PALMD: variants seen among roughly 807,000 people sequenced by gnomAD.
PALMD encodes the protein palmdelphin.
A neutral mutation model predicts 56.2 loss-of-function variants in PALMD; 42 were observed. That is an observed-to-expected ratio of 0.75 (90% CI 0.58 to 0.97). The LOEUF (loss-of-function observed/expected upper bound fraction) is 0.97. PALMD is among the 50% of genes least tolerant of loss of function. The pLI is 0.00. For synonymous variants in PALMD, 242 were observed against 222.9 expected (o/e 1.09, Z -0.76); for missense variants, 660 against 643.8 (o/e 1.03, Z -0.27).
Position 99,689,797 on chromosome 1 carries a change from T to C in PALMD, c.1537T>C (p.Leu513=). Residue 513 remains leucine, a synonymous_variant, in exon 7 of 8, where the codon TTA becomes CTA. Transcript: ENST00000263174. ...ATCTCTGAAAGAGCAAGAAGAAAGC[T>C]TAGGCAGCCCTGTCCACCATTCCCC... ...SISLKEQEES[L]GSPVHHSPFD... is the part of the protein sequence containing the mutation. 1 of 1,613,700 alleles carries C rather than the reference T, an allele frequency of 6.2e-7. No individual in the cohort carries two copies. Among genetic ancestry groups the C allele is most frequent in the Non-Finnish European group, 8.5e-7 (1 of 1,179,814 alleles).
chr1:99,685,892 CT>C (rs1294137179), intron 3 of PALMD: 1 of 152,184 alleles, frequency 6.6e-6, no homozygotes, highest in Middle Eastern at 3.2e-3. Flanking sequence ...ATGCTGCCCC[CT>C]GGAGTTCATT....
intron 3 of PALMD, among the ~76,000 whole-genome samples, chr1:99,681,715 T>A (rs1653350863): frequency 6.6e-6 from 1 of 152,140 alleles, no homozygotes; most frequent in Non-Finnish European, 1.5e-5. Flanking sequence ...GTTCTGTGCA[T>A]GACAGGACAT....
At chr1:99,651,258 C>T (rs1229039260) in intron 1 of PALMD, among the ~76,000 whole-genome samples, 1 of 152,160 alleles carries the variant, frequency 6.6e-6, no homozygotes, top group Non-Finnish European at 1.5e-5. Context: ...ACATAACAGC[C>T]CACCCATAAA....
chr1:99,673,608 T>C (rs1653137597), intron 3 of PALMD, among the ~76,000 whole-genome samples: 2 of 152,224 alleles, frequency 1.3e-5, no homozygotes, highest in Non-Finnish European at 2.9e-5. Context: ...TGTTTTTCAC[T>C]CTCCATATTT....
chr1:99,674,009 A>G (rs145767866), intron 3 of PALMD, among the ~76,000 whole-genome samples: 27 of 152,328 alleles, frequency 1.8e-4, no homozygotes, highest in African/African-American at 6.3e-4. Context: ...TAAAAATAAG[A>G]AAAGAATAAA....
In PALMD at chr1:99,689,153, T is replaced by C; in HGVS notation, c.893T>C (p.Val298Ala). 6.2e-7 allele frequency: 1 copy of C among 1,613,546 alleles called. No individual in the cohort carries two copies. Among genetic ancestry groups the C allele is most frequent in the South Asian group, 1.1e-5 (1 of 91,056 alleles). The change falls in exon 7 of 8, where the codon GTA (valine) becomes GCA (alanine). Residue 298 changes from valine (V) to alanine (A), a missense_variant. Val to Ala is a moderately conservative substitution (Grantham distance 64). Coordinates refer to ENST00000263174, the MANE Select transcript of PALMD (RefSeq NM_017734.5). ...KIKTNGLGIG[V>A]NESIHNMGNG... ...AAAACTAATGGACTGGGTATTGGTG[T>C]AAATGAATCCATACACAATATGGGC...
intron 1 of PALMD, among the ~76,000 whole-genome samples, chr1:99,653,315 T>C (rs1428457130): frequency 1.3e-5 from 2 of 152,172 alleles, no homozygotes; most frequent in Admixed American, 6.6e-5. Context: ...CATCACCCCT[T>C]GATTATTCAG....
At chr1:99,675,482 T>G (rs1352769035) in intron 3 of PALMD, among the ~76,000 whole-genome samples, 1 of 152,156 alleles carries the variant, frequency 6.6e-6, no homozygotes, top group African/African-American at 2.4e-5. Context: ...GATGGTCACT[T>G]GGGAAACTCA....
intron 1 of PALMD, among the ~76,000 whole-genome samples, chr1:99,649,686 C>A (rs1046907578): frequency 3.3e-5 from 5 of 152,154 alleles, no homozygotes; most frequent in African/African-American, 1.2e-4. Context: ...TTTTCTTACC[C>A]CCATGCCTAC....
intron 3 of PALMD, chr1:99,684,831 G>A (rs1653449975): frequency 6.6e-6 from 1 of 152,210 alleles, no homozygotes; most frequent in Non-Finnish European, 1.5e-5. Context: ...CTGAGTCTTA[G>A]TGAGGTCAGG....
intron 1 of PALMD, among the ~76,000 whole-genome samples, chr1:99,652,694 G>GGAAAAGAAAAGAAAA (rs1226790564): frequency 0.03 from 2,607 of 86,206 alleles, 78 homozygotes; most frequent in East Asian, 0.04. Context: ...GGAAAGGAAA[G>GGAAAAGAAAAGAAAA]GAAAAGAAAA....
chr1:99,665,824 T>C (rs958619006), intron 2 of PALMD, among the ~76,000 whole-genome samples: 2 of 152,228 alleles, frequency 1.3e-5, no homozygotes, highest in African/African-American at 4.8e-5. Context: ...AATGCTGCTA[T>C]ATTCAGAGTT....
At position 99,686,697 on chromosome 1, in the gene PALMD, T is replaced by G. The variant is rs1653505723; in HGVS notation, c.273T>G (p.Asp91Glu). The change falls in exon 4 of 8, where the codon GAT (aspartate) becomes GAG (glutamate). Residue 91 changes from aspartate (D) to glutamate (E), a missense_variant. By Grantham distance (45) the Asp-to-Glu change is conservative (BLOSUM62 2). Transcript: ENST00000263174. ...TCAGGCTTGAGAAAGAGATCCAAGA[T>G]CTTGAAAAAGCTGAACTGCAAATCT... ...SILRLEKEIQ[D>E]LEKAELQIST... The G allele has an allele frequency of 5.0e-6, 8 of 1,598,384 alleles. No individual in the cohort carries two copies. The South Asian group carries it at 6.7e-5, about 13-fold the overall frequency.
At chr1:99,652,803 G>A (rs1236380396) in intron 1 of PALMD, among the ~76,000 whole-genome samples, 5 of 152,116 alleles carry the variant, frequency 3.3e-5, no homozygotes, top group Non-Finnish European at 4.4e-5. Context: ...GTGGAGCCAA[G>A]AGAAGAAACT....
chr1:99,652,033 A>C (rs1310152163), intron 1 of PALMD, among the ~76,000 whole-genome samples: 14 of 152,264 alleles, frequency 9.2e-5, no homozygotes, highest in Admixed American at 9.2e-4. Flanking sequence ...TTCTAACAAT[A>C]ATAACAGTGC....
chr1:99,664,723 C>T (rs2100860587), intron 2 of PALMD, among the ~76,000 whole-genome samples: 1 of 152,270 alleles, frequency 6.6e-6, no homozygotes, highest in South Asian at 2.1e-4. Context: ...AATTAAAAAG[C>T]TCTGTTGGCC....
intron 1 of PALMD, among the ~76,000 whole-genome samples, chr1:99,659,162 C>A (rs928431761): frequency 6.6e-6 from 1 of 152,170 alleles, no homozygotes; most frequent in Non-Finnish European, 1.5e-5. Context: ...AAAATACTTA[C>A]TTATACTCTT....
chr1:99,681,639 C>T (rs1020824599), intron 3 of PALMD, among the ~76,000 whole-genome samples: 1 of 152,106 alleles, frequency 6.6e-6, no homozygotes, highest in African/African-American at 2.4e-5. Flanking sequence ...TTTTAGGTAT[C>T]CAGGATTCCT....
chr1:99,655,356 A>G (rs1179104111), intron 1 of PALMD, among the ~76,000 whole-genome samples: 1 of 152,140 alleles, frequency 6.6e-6, no homozygotes, highest in Admixed American at 6.5e-5. Context: ...AACCTTCATC[A>G]TCTGCAGATC....
Sources: gnomAD v4.1 joint callset for allele counts (sites outside exome capture counted in the v4.1 genomes callset) on GRCh38, gnomAD v4.1.1 for gene constraint, MANE v1.5 for transcripts, NCBI Gene and HGNC (gene_info 2026-07-23, HGNC 2026-07-21) for gene names.